The following GPC6 variants were observed in gnomAD, a reference collection of about 807,000 sequenced individuals.
GPC6 encodes glypican-6.
In GPC6, 14 loss-of-function variants were observed where a neutral mutation model predicts 55.2. The ratio of observed to expected loss-of-function variants is 0.25; its 90% CI spans 0.17 to 0.40. The LOEUF is 0.40. Ranked by LOEUF, GPC6 falls within the 10% of genes least tolerant of loss-of-function variation. GPC6 has a pLI of 1.00. For synonymous variants in GPC6, 278 were observed against 259.6 expected (o/e 1.07, Z -0.68); for missense variants, 641 against 708.5 (o/e 0.90, Z 1.08).
rs141632482 is a variant in GPC6 at position 93,546,771 on chromosome 13, G to C, written c.319+1350G>C. Among the ~76,000 whole-genome samples the C allele has an allele frequency of 5.5e-3, 834 of 152,218 alleles. 5 individuals are homozygous for C. Among genetic ancestry groups the C allele is most frequent in the African/African-American group, 0.018 (739 of 41,534 alleles). On this transcript the variant is annotated intron_variant, in intron 2 of 8. Coordinates refer to ENST00000377047, the MANE Select transcript of GPC6 (RefSeq NM_005708.5). The stretch of plus-strand genomic sequence containing the variant: ...CTATCACTTCAAGCTACAGCAATTT[G>C]AGCTGTTTTGTCATTTGTTACATAA...
chr13:93,679,048 A>G (rs1431084695), intron 2 of GPC6, among the ~76,000 whole-genome samples: 5 of 152,158 alleles, frequency 3.3e-5, no homozygotes, highest in Admixed American at 6.6e-5. Flanking sequence ...TTTTTGATTT[A>G]TAGAAAATAT....
intron 1 of GPC6, among the ~76,000 whole-genome samples, chr13:93,231,417 A>ATG (rs1876053352): frequency 2.0e-5 from 1 of 48,944 alleles, no homozygotes; most frequent in Non-Finnish European, 3.7e-5. Context: ...ATATATATAT[A>ATG]TATATACGTA....
chr13:94,209,659 T>C (rs7984149), intron 4 of GPC6, among the ~76,000 whole-genome samples: 38,918 of 151,950 alleles, frequency 0.26, 5,746 homozygotes, highest in East Asian at 0.44. Context: ...AAAAATGAAC[T>C]GTAATACACA....
At chr13:93,854,538 C>T (rs760747090) in intron 3 of GPC6, among the ~76,000 whole-genome samples, 1 of 151,658 alleles carries the variant, frequency 6.6e-6, no homozygotes, top group African/African-American at 2.4e-5. Flanking sequence ...CCACTGAAAT[C>T]ACACGTGAAG....
At chr13:93,488,187 T>A (rs1445737404) in intron 1 of GPC6, among the ~76,000 whole-genome samples, 1 of 152,154 alleles carries the variant, frequency 6.6e-6, no homozygotes, top group Non-Finnish European at 1.5e-5. Context: ...TTCTCATTGT[T>A]CAAATCCCAA....
At chr13:93,394,251 T>C (rs1875760394) in intron 1 of GPC6, among the ~76,000 whole-genome samples, 1 of 152,208 alleles carries the variant, frequency 6.6e-6, no homozygotes, top group Admixed American at 6.5e-5. Flanking sequence ...ATCATCAGCA[T>C]GCATTTACTT....
chr13:93,526,723 A>C (rs1297481107), intron 1 of GPC6, among the ~76,000 whole-genome samples: 2 of 152,106 alleles, frequency 1.3e-5, no homozygotes, highest in African/African-American at 2.4e-5. Context: ...TTGCATTAAA[A>C]AGTCTCAGTT....
intron 2 of GPC6, among the ~76,000 whole-genome samples, chr13:93,590,703 A>G (rs1368992590): frequency 2.0e-5 from 3 of 152,214 alleles, no homozygotes; most frequent in Non-Finnish European, 4.4e-5. Context: ...AGTAGGTATG[A>G]CTGATAGAAA....
At chr13:93,343,964 C>T (rs1019771905) in intron 1 of GPC6, among the ~76,000 whole-genome samples, 3 of 152,194 alleles carry the variant, frequency 2.0e-5, no homozygotes, top group African/African-American at 4.8e-5. Flanking sequence ...ATATCCACGT[C>T]ACCTCTTCAA....
chr13:93,526,948 T>G (rs964075618), intron 1 of GPC6, among the ~76,000 whole-genome samples: 4 of 152,124 alleles, frequency 2.6e-5, no homozygotes, highest in Non-Finnish European at 5.9e-5. Flanking sequence ...CTAAGAACTT[T>G]ATCCCAAATA....
intron 3 of GPC6, among the ~76,000 whole-genome samples, chr13:93,903,554 A>G (rs1876476365): frequency 1.3e-5 from 2 of 152,170 alleles, no homozygotes; most frequent in South Asian, 4.1e-4. Flanking sequence ...TATATATTGT[A>G]GCATAAACTT....
intron 3 of GPC6, among the ~76,000 whole-genome samples, chr13:93,884,416 G>A (rs1875198575): frequency 6.6e-6 from 1 of 151,886 alleles, no homozygotes; most frequent in Non-Finnish European, 1.5e-5. Flanking sequence ...ATTTGTTCTA[G>A]TCATGTTTAA....
At chr13:93,880,302 C>T (rs1426714727) in intron 3 of GPC6, among the ~76,000 whole-genome samples, 1 of 151,980 alleles carries the variant, frequency 6.6e-6, no homozygotes, top group Non-Finnish European at 1.5e-5. Context: ...ATAGCAAAGA[C>T]TTGGAACCAA....
chr13:93,809,820 G>C (rs545338805), intron 2 of GPC6, among the ~76,000 whole-genome samples: 1 of 152,202 alleles, frequency 6.6e-6, no homozygotes, highest in South Asian at 2.1e-4. Flanking sequence ...ACTGCACTGG[G>C]GTCTACTGCG....
chr13:94,287,062 C>G (rs930037263), intron 5 of GPC6, among the ~76,000 whole-genome samples: 1 of 152,146 alleles, frequency 6.6e-6, no homozygotes, highest in African/African-American at 2.4e-5. Flanking sequence ...GGGTTTGCAG[C>G]TGTACAACAC....
chr13:93,596,252 T>C (rs186954732), intron 2 of GPC6, among the ~76,000 whole-genome samples: 19 of 152,114 alleles, frequency 1.2e-4, no homozygotes, highest in Admixed American at 4.6e-4. Context: ...CAAAGTTCAA[T>C]AGAGTGTTCG....
chr13:93,506,410 A>G (rs759588846), intron 1 of GPC6, among the ~76,000 whole-genome samples: 1 of 152,160 alleles, frequency 6.6e-6, no homozygotes, highest in African/African-American at 2.4e-5. Flanking sequence ...CTTGGTAGCT[A>G]TTAGGATATT....
intron 1 of GPC6, among the ~76,000 whole-genome samples, chr13:93,376,615 G>A (rs1035333657): frequency 4.6e-5 from 7 of 152,218 alleles, no homozygotes; most frequent in African/African-American, 1.4e-4. Flanking sequence ...CAGAACACCC[G>A]ACATGATTGT....
intron 1 of GPC6, among the ~76,000 whole-genome samples, chr13:93,456,119 C>A (rs552929288): frequency 6.6e-6 from 1 of 152,186 alleles, no homozygotes; most frequent in East Asian, 1.9e-4. Flanking sequence ...AGTGTCTTGA[C>A]TTTCTCTGCA....
Sources: gnomAD v4.1 joint callset for allele counts (sites outside exome capture counted in the v4.1 genomes callset) on GRCh38, gnomAD v4.1.1 for gene constraint, MANE v1.5 for transcripts, NCBI Gene and HGNC (gene_info 2026-07-23, HGNC 2026-07-21) for gene names.